The following NEGR1 variants were observed in gnomAD, a reference collection of about 807,000 sequenced individuals.
The protein encoded by NEGR1 is IgLON family member 4.
In NEGR1, 10 loss-of-function variants were observed where a neutral mutation model predicts 40.9. The observed-to-expected ratio is 0.24, with a 90% CI of 0.15 to 0.42. NEGR1 has a LOEUF of 0.42. Ranked by LOEUF, NEGR1 falls within the 10% of genes least tolerant of loss-of-function variation. The pLI, the probability that NEGR1 is intolerant of heterozygous loss-of-function variation, is 1.00. For missense variants in NEGR1, 352 were observed against 438.9 expected (o/e 0.80, Z 1.77); for synonymous variants, 185 against 166.8 (o/e 1.11, Z -0.84).
At chr1:71,698,286 G>T in intron 3 of NEGR1, 147 bp from the exon 4 acceptor site, 1 of 717,910 alleles carries the variant, frequency 1.4e-6, no homozygotes, top group South Asian at 1.9e-5. Flanking sequence ...GTTCTTCTAT[G>T]TTCAGAGGAA....
At chr1:71,755,666 A>G (rs1054294238) in intron 3 of NEGR1, among the ~76,000 whole-genome samples, 1 of 152,072 alleles carries the variant, frequency 6.6e-6, no homozygotes, top group Non-Finnish European at 1.5e-5. Flanking sequence ...TCAATTAGCA[A>G]CTTCCTGTCC....
chr1:71,873,782 A>T (rs908521058), intron 2 of NEGR1, among the ~76,000 whole-genome samples: 4 of 152,286 alleles, frequency 2.6e-5, no homozygotes, highest in Admixed American at 2.0e-4. Context: ...GTTCACATTC[A>T]TCATTGCTAT....
At chr1:72,200,003 A>G (rs1305444259) in intron 1 of NEGR1, among the ~76,000 whole-genome samples, 1 of 152,000 alleles carries the variant, frequency 6.6e-6, no homozygotes, top group Non-Finnish European at 1.5e-5. Context: ...CAGAATGGTT[A>G]TAATCAAAAC....
chr1:72,072,198 A>G (rs1325036487), intron 1 of NEGR1, among the ~76,000 whole-genome samples: 1 of 152,044 alleles, frequency 6.6e-6, no homozygotes, highest in Non-Finnish European at 1.5e-5. Flanking sequence ...TTGTAATCCT[A>G]TTATATTTTG....
chr1:71,566,009 G>A (rs1237437270), intron 6 of NEGR1, among the ~76,000 whole-genome samples: 1 of 151,936 alleles, frequency 6.6e-6, no homozygotes, highest in African/African-American at 2.4e-5. Flanking sequence ...ATGTTGCCAC[G>A]AGCCAAGGGA....
chr1:72,197,474 C>G (rs182654199), intron 1 of NEGR1, among the ~76,000 whole-genome samples: 26 of 152,054 alleles, frequency 1.7e-4, no homozygotes, highest in Admixed American at 1.4e-3. Context: ...TGAGCTATCT[C>G]TATAATAAAT....
chr1:71,857,896 C>T (rs921090364), intron 2 of NEGR1, among the ~76,000 whole-genome samples: 1 of 151,980 alleles, frequency 6.6e-6, no homozygotes, highest in Non-Finnish European at 1.5e-5. Flanking sequence ...GAAAGACTTG[C>T]TATAGAAAGC....
chr1:72,091,897 A>C (rs765328449), intron 1 of NEGR1, among the ~76,000 whole-genome samples: 21 of 151,872 alleles, frequency 1.4e-4, no homozygotes, highest in Non-Finnish European at 2.8e-4. Flanking sequence ...CCCTCACATA[A>C]CGTGTGTGTG....
intron 2 of NEGR1, among the ~76,000 whole-genome samples, chr1:71,850,571 T>C (rs190240181): frequency 6.6e-6 from 1 of 152,204 alleles, no homozygotes; most frequent in Admixed American, 6.5e-5. Context: ...TAAATGAGTA[T>C]GTATCAGTGA....
chr1:72,016,089 C>A (rs970636776), intron 1 of NEGR1, among the ~76,000 whole-genome samples: 2 of 152,080 alleles, frequency 1.3e-5, no homozygotes, highest in Non-Finnish European at 2.9e-5. Context: ...TTTAAACACC[C>A]TTTTTAACTT....
At chr1:71,700,357 T>C (rs1309078983) in intron 3 of NEGR1, among the ~76,000 whole-genome samples, 2 of 152,022 alleles carry the variant, frequency 1.3e-5, no homozygotes, top group African/African-American at 4.8e-5. Context: ...TGTATACAAC[T>C]GACAGACTAC....
At chr1:71,803,744 A>C (rs1657646243) in intron 2 of NEGR1, among the ~76,000 whole-genome samples, 1 of 152,222 alleles carries the variant, frequency 6.6e-6, no homozygotes, top group Non-Finnish European at 1.5e-5. Flanking sequence ...AAGTCTTCAT[A>C]GAACATACCA....
chr1:72,168,698 TG>T (rs1318685253), intron 1 of NEGR1, among the ~76,000 whole-genome samples: 2 of 152,070 alleles, frequency 1.3e-5, no homozygotes, highest in African/African-American at 4.8e-5. Context: ...GAGACAAGCC[TG>T]GGCAACAAGG....
intron 2 of NEGR1, among the ~76,000 whole-genome samples, chr1:71,841,203 G>GAT (rs1342149645): frequency 6.6e-6 from 1 of 151,984 alleles, no homozygotes; most frequent in Non-Finnish European, 1.5e-5. Context: ...ATGAGAAGAG[G>GAT]ATAATATAAA....
intron 6 of NEGR1, among the ~76,000 whole-genome samples, chr1:71,412,902 A>T (rs1042273954): frequency 6.6e-6 from 1 of 152,216 alleles, no homozygotes; most frequent in Non-Finnish European, 1.5e-5. Context: ...AAAATAGAGT[A>T]TGTAAGGGAG....
chr1:71,732,587 T>C (rs1654918840), intron 3 of NEGR1, among the ~76,000 whole-genome samples: 2 of 152,210 alleles, frequency 1.3e-5, no homozygotes, highest in Admixed American at 1.3e-4. Context: ...TGCAGGTGTT[T>C]CCTGCTAGTT....
intron 2 of NEGR1, among the ~76,000 whole-genome samples, chr1:71,861,779 T>C (rs1659955026): frequency 6.6e-6 from 1 of 152,188 alleles, no homozygotes; most frequent in African/African-American, 2.4e-5. Context: ...AGTTAGTGAG[T>C]AATTATCACT....
intron 6 of NEGR1, among the ~76,000 whole-genome samples, chr1:71,584,477 C>G (rs1649236732): frequency 6.6e-6 from 1 of 152,138 alleles, no homozygotes; most frequent in Admixed American, 6.6e-5. Context: ...TAATGATACT[C>G]AGACCTTCAT....
intron 2 of NEGR1, among the ~76,000 whole-genome samples, chr1:71,860,864 G>A (rs1283115889): frequency 1.3e-5 from 2 of 151,906 alleles, no homozygotes; most frequent in South Asian, 2.1e-4. Context: ...GTGAACATAT[G>A]AGCATGAAAA....
Sources: allele counts gnomAD v4.1 joint callset (sites outside exome capture counted in the v4.1 genomes callset), GRCh38; gene constraint gnomAD v4.1.1; transcripts MANE v1.5; gene names NCBI Gene and HGNC (gene_info 2026-07-23, HGNC 2026-07-21).